RBFOX1: variants seen among roughly 807,000 people sequenced by gnomAD.
The protein encoded by RBFOX1 is RNA binding protein fox-1 homolog 1.
In RBFOX1, 8 loss-of-function variants were observed where a neutral mutation model predicts 57.7. The observed-to-expected ratio is 0.14, with a 90% CI of 0.08 to 0.25. The LOEUF (loss-of-function observed/expected upper bound fraction) is 0.25. RBFOX1 is among the 10% of genes least tolerant of loss of function. The pLI is 1.00. For missense variants in RBFOX1, 611 were observed against 548.5 expected (o/e 1.11, Z -1.14); for synonymous variants, 326 against 222.4 (o/e 1.47, Z -4.15).
chr16:7,086,375 A>T (rs1437866102), intron 4 of RBFOX1, among the ~76,000 whole-genome samples: 1 of 152,086 alleles, frequency 6.6e-6, no homozygotes, highest in Non-Finnish European at 1.5e-5. Context: ...CCTTCTGTAC[A>T]TTGTATGTTT....
At chr16:7,070,408 A>G (rs1476851623) in intron 4 of RBFOX1, among the ~76,000 whole-genome samples, 1 of 152,220 alleles carries the variant, frequency 6.6e-6, no homozygotes, top group Non-Finnish European at 1.5e-5. Flanking sequence ...ATATATGCAT[A>G]TACCGAGTAT....
At chr16:6,518,221 G>C (rs533490800) in intron 2 of RBFOX1, among the ~76,000 whole-genome samples, 1 of 152,258 alleles carries the variant, frequency 6.6e-6, no homozygotes, top group East Asian at 1.9e-4. Flanking sequence ...ATTACCTTGA[G>C]GGTTGTCTGG....
intron 1 of RBFOX1, among the ~76,000 whole-genome samples, chr16:6,079,139 T>C (rs2095957899): frequency 7.7e-6 from 1 of 129,562 alleles, no homozygotes; most frequent in Non-Finnish European, 1.6e-5. Context: ...TGAAACCTCA[T>C]CTCTACTGAA....
intron 1 of RBFOX1, among the ~76,000 whole-genome samples, chr16:6,314,962 C>G (rs979992888): frequency 6.6e-6 from 1 of 152,222 alleles, no homozygotes; most frequent in African/African-American, 2.4e-5. Flanking sequence ...TTGATGGAGC[C>G]TTCCCCACTG....
At chr16:7,702,862 A>T (rs373519028) in intron 14 of RBFOX1, among the ~76,000 whole-genome samples, 1 of 152,206 alleles carries the variant, frequency 6.6e-6, no homozygotes, top group South Asian at 2.1e-4. Flanking sequence ...TCATTTGGAA[A>T]AGTCCTCAAA....
intron 4 of RBFOX1, among the ~76,000 whole-genome samples, chr16:7,271,786 T>TAGGC (rs1157490950): frequency 1.3e-5 from 2 of 151,994 alleles, no homozygotes; most frequent in African/African-American, 4.8e-5. Flanking sequence ...AAGGGTCTCT[T>TAGGC]AGGCTCTTAT....
At chr16:7,066,017 T>C (rs1973184) in intron 4 of RBFOX1, among the ~76,000 whole-genome samples, 114,377 of 152,130 alleles carry the variant, frequency 0.75, 43,248 homozygotes, top group East Asian at 0.91. Context: ...CTATTACCAA[T>C]TGAAATGGTT....
At chr16:6,275,538 A>C (rs1399596623) in intron 1 of RBFOX1, among the ~76,000 whole-genome samples, 1 of 152,184 alleles carries the variant, frequency 6.6e-6, no homozygotes, top group Non-Finnish European at 1.5e-5. Flanking sequence ...GACTGAAAAA[A>C]TGGTATGTTG....
At chr16:6,031,746 C>T (rs548549818) in intron 1 of RBFOX1, among the ~76,000 whole-genome samples, 1 of 152,218 alleles carries the variant, frequency 6.6e-6, no homozygotes, top group Non-Finnish European at 1.5e-5. Flanking sequence ...CAGAGCCCAG[C>T]AGAATGAGGG....
At chr16:7,197,718 T>A (rs1372052210) in intron 4 of RBFOX1, among the ~76,000 whole-genome samples, 1 of 152,198 alleles carries the variant, frequency 6.6e-6, no homozygotes, top group African/African-American at 2.4e-5. Context: ...ATGTGGTATA[T>A]CCCTGTAGTA....
chr16:5,330,888 A>G (rs550702167), intron 1 of RBFOX1, among the ~76,000 whole-genome samples: 75 of 152,160 alleles, frequency 4.9e-4, no homozygotes, highest in Non-Finnish European at 7.9e-4. Context: ...GCCTGGTCCA[A>G]TTCAGGTTTT....
chr16:5,830,166 T>C (rs1347951924), intron 3 of RBFOX1, among the ~76,000 whole-genome samples: 1 of 152,156 alleles, frequency 6.6e-6, no homozygotes, highest in Non-Finnish European at 1.5e-5. Context: ...CAGGGTCTGA[T>C]ATTACCCAGC....
chr16:6,927,586 G>A (rs965887783), intron 3 of RBFOX1, among the ~76,000 whole-genome samples: 1 of 151,866 alleles, frequency 6.6e-6, no homozygotes, highest in Non-Finnish European at 1.5e-5. Flanking sequence ...GCTGTGTCCT[G>A]TGTGCCTGGA....
intron 3 of RBFOX1, among the ~76,000 whole-genome samples, chr16:5,691,545 C>A (rs933446135): frequency 6.6e-6 from 1 of 152,282 alleles, no homozygotes; most frequent in South Asian, 2.1e-4. Flanking sequence ...ATGCCTAGGA[C>A]TAGAAGTTTT....
chr16:6,997,426 A>G (rs1373035753), intron 3 of RBFOX1, among the ~76,000 whole-genome samples: 2 of 152,214 alleles, frequency 1.3e-5, no homozygotes, highest in Non-Finnish European at 2.9e-5. Flanking sequence ...CTGCTTGATC[A>G]GAGTTCATTT....
chr16:7,076,000 C>T (rs2058224514), intron 4 of RBFOX1, among the ~76,000 whole-genome samples: 1 of 151,890 alleles, frequency 6.6e-6, no homozygotes, highest in Admixed American at 6.6e-5. Flanking sequence ...CCTAAACTGA[C>T]ACCAGTTGTC....
chr16:7,694,714 G>C (rs757031363), intron 14 of RBFOX1, among the ~76,000 whole-genome samples: 5 of 152,204 alleles, frequency 3.3e-5, no homozygotes, highest in African/African-American at 1.2e-4. Context: ...ATTGCTGGGA[G>C]TGGCAGGGAA....
chr16:6,297,016 C>T (rs954175265), intron 1 of RBFOX1, among the ~76,000 whole-genome samples: 3 of 152,176 alleles, frequency 2.0e-5, no homozygotes, highest in African/African-American at 7.2e-5. Context: ...ATATGTTAAA[C>T]AAGGGGTGGG....
intron 4 of RBFOX1, among the ~76,000 whole-genome samples, chr16:7,356,451 G>C (rs777493354): frequency 1.3e-5 from 2 of 152,178 alleles, no homozygotes; most frequent in African/African-American, 2.4e-5. Flanking sequence ...AAAGTGACTG[G>C]AGAGTGTTCA....
Sources: gnomAD v4.1 joint callset for allele counts (sites outside exome capture counted in the v4.1 genomes callset) on GRCh38, gnomAD v4.1.1 for gene constraint, MANE v1.5 for transcripts, NCBI Gene and HGNC (gene_info 2026-07-23, HGNC 2026-07-21) for gene names.